PRR33: variants seen among roughly 807,000 people sequenced by gnomAD.
PRR33 encodes the protein proline rich 33.
A neutral mutation model predicts 0.5 loss-of-function variants in PRR33; 1 was observed. That is an observed-to-expected ratio of 2.18 (90% CI 0.77 to 10.34). The LOEUF (loss-of-function observed/expected upper bound fraction) is 10.34. Ranked by LOEUF, PRR33 falls within the 30% of genes most tolerant of loss-of-function variation. The pLI is 0.13. For missense variants in PRR33, 552 were observed against 251.8 expected, an observed-to-expected ratio of 2.19 and a Z score of -8.07; for synonymous variants, 226 against 110.0, an observed-to-expected ratio of 2.06 and a Z score of -6.60.
upstream of PRR33, among the ~76,000 whole-genome samples, chr11:1,894,293 G>T (rs1219541203): frequency 6.6e-6 from 1 of 151,428 alleles, no homozygotes; most frequent in Admixed American, 6.6e-5. Flanking sequence ...GAGTGCAGTG[G>T]CACAATGAGA....
At chr11:1,916,614 C>T in the PRR33 span, among the ~76,000 whole-genome samples, 2 of 152,138 alleles carry the variant, frequency 1.3e-5, no homozygotes, top group Non-Finnish European at 1.5e-5. Context: ...TGGACAGCAC[C>T]AGGGGCAGGG....
exon 1 of PRR33, chr11:1,890,417 G>A (rs773828161): frequency 2.0e-5 from 14 of 717,082 alleles, no homozygotes; most frequent in South Asian, 8.9e-5. Context: ...TGGGTGGAGC[G>A]AGGTGTGTGC....
At chr11:1,915,955 GGATA>G in the PRR33 span, among the ~76,000 whole-genome samples, 1 of 150,148 alleles carries the variant, frequency 6.7e-6, no homozygotes, top group African/African-American at 2.5e-5. Flanking sequence ...ATGGCGGGAG[GGATA>G]GATGAAATGG....
the PRR33 span, among the ~76,000 whole-genome samples, chr11:1,914,275 GTA>G: frequency 5.3e-5 from 8 of 150,884 alleles, no homozygotes; most frequent in Admixed American, 1.3e-4. Flanking sequence ...ATGATGTTCT[GTA>G]TGTGTGTGTG....
At chr11:1,905,868 G>C in the PRR33 span, among the ~76,000 whole-genome samples, 1 of 151,836 alleles carries the variant, frequency 6.6e-6, no homozygotes. Context: ...ATCCAGGCTC[G>C]AGTGTATTGG....
At chr11:1,894,483 T>C (rs1043970728), upstream of PRR33, among the ~76,000 whole-genome samples, 1 of 152,160 alleles carries the variant, frequency 6.6e-6, no homozygotes, top group Non-Finnish European at 1.5e-5. Flanking sequence ...CGACCCCCCC[T>C]GCCTCCACCT....
the PRR33 span, among the ~76,000 whole-genome samples, chr11:1,913,587 TGA>T: frequency 6.6e-6 from 1 of 152,224 alleles, no homozygotes; most frequent in Non-Finnish European, 1.5e-5. Flanking sequence ...CTCTGATCCC[TGA>T]GCTATTCAGG....
At chr11:1,904,444 G>A in the PRR33 span, among the ~76,000 whole-genome samples, 1 of 151,980 alleles carries the variant, frequency 6.6e-6, no homozygotes. Context: ...CAGGAGAATT[G>A]CTTGAACCTG....
rs749845446 is a variant in PRR33, at chr11:1,891,031, C to T, written c.-447G>A. ...CCAGGGCTGGAAGAGCGGCTGCCCC[C>T]AGACACGTGAGGGGCGCCCTGTTGT... is the stretch of plus-strand genomic sequence containing the variant. On this transcript the variant is annotated 5_prime_UTR_variant, in exon 1 of 1. It introduces an in-frame stop codon into an upstream open reading frame of the 5' UTR. Coordinates refer to ENST00000640310, the Ensembl canonical transcript of PRR33. The T allele has an allele frequency of 3.1e-4, 50 of 163,684 alleles. No homozygotes were observed. Among genetic ancestry groups the T allele is most frequent in the Non-Finnish European group, 5.8e-4 (43 of 74,536 alleles). The allele number at this position is 163,684 out of a possible 1,614,324, so 10.1% of individuals were successfully genotyped here. A position where few individuals can be genotyped will look rare whatever the true frequency, so the allele number is the denominator to read the frequency against.
At chr11:1,902,884 C>T in the PRR33 span, among the ~76,000 whole-genome samples, 8 of 152,256 alleles carry the variant, frequency 5.3e-5, no homozygotes, top group East Asian at 1.3e-3. Flanking sequence ...TCATGCCCCC[C>T]ACCCCTGCTT....
At chr11:1,899,678 A>G in the PRR33 span, among the ~76,000 whole-genome samples, 2 of 152,190 alleles carry the variant, frequency 1.3e-5, no homozygotes. Context: ...CTTGCTTAAT[A>G]TTATTGTATC....
chr11:1,914,851 TTCTGTG>T, the PRR33 span, among the ~76,000 whole-genome samples: 20 of 66,612 alleles, frequency 3.0e-4, no homozygotes, highest in African/African-American at 1.3e-3. Flanking sequence ...CTGGAGATGT[TTCTGTG>T]TGTGTGTGTG....
chr11:1,914,124 G>A, the PRR33 span, among the ~76,000 whole-genome samples: 1 of 152,262 alleles, frequency 6.6e-6, no homozygotes, highest in African/African-American at 2.4e-5. Context: ...GCCTGGTTGG[G>A]CGCAGCGTAG....
Position 1,890,117 on chromosome 11 carries a change from C to G in PRR33, c.468G>C (p.Ser156=), listed in dbSNP as rs760868187. 86 of 716,994 alleles carry G rather than the reference C, an allele frequency of 1.2e-4. No individual in the cohort carries two copies. The South Asian group carries it at 1.2e-3, about 10-fold the overall frequency. 44.4% of individuals were successfully genotyped at this position (716,994 alleles called of 1,614,324 possible). A position where few individuals can be genotyped will look rare whatever the true frequency, so the allele number is the denominator to read the frequency against. The change falls in exon 1 of 1, where the codon TCG becomes TCC. Residue 156 remains serine, a synonymous_variant. Coordinates refer to ENST00000640310, the Ensembl canonical transcript of PRR33. Reference sequence around the variant, plus strand: ...TGGGGGGCCGGGTAGGTTCTGGGGCCGAGGCTACAACCTGGGGCCCCATGG... The same window carrying G: ...TGGGGGGCCGGGTAGGTTCTGGGGCGGAGGCTACAACCTGGGGCCCCATGG...
upstream of PRR33, among the ~76,000 whole-genome samples, chr11:1,892,665 T>A (rs900559147): frequency 2.6e-5 from 4 of 152,014 alleles, no homozygotes; most frequent in African/African-American, 7.3e-5. Context: ...GATGGATGGA[T>A]GGGTAGGTGG....
chr11:1,905,541 C>A, the PRR33 span, among the ~76,000 whole-genome samples: 2 of 149,540 alleles, frequency 1.3e-5, no homozygotes, highest in African/African-American at 4.9e-5. Context: ...TGGGTTCAAA[C>A]GATCCTCGTG....
chr11:1,904,845 C>T, the PRR33 span, among the ~76,000 whole-genome samples: 7 of 151,666 alleles, frequency 4.6e-5, no homozygotes, highest in Non-Finnish European at 8.8e-5. Flanking sequence ...CCTGTACTCC[C>T]GCTGCCTCTC....
the PRR33 span, among the ~76,000 whole-genome samples, chr11:1,898,782 C>T: frequency 2.6e-5 from 4 of 152,180 alleles, no homozygotes; most frequent in South Asian, 2.1e-4. Context: ...GAGGTGGGCA[C>T]TTGAGGTCAG....
the PRR33 span, among the ~76,000 whole-genome samples, chr11:1,911,167 G>T: frequency 6.6e-6 from 1 of 152,104 alleles, no homozygotes; most frequent in Admixed American, 6.5e-5. Flanking sequence ...GCTACTAGCC[G>T]GGCGCAGTGG....
Sources: allele counts gnomAD v4.1 joint callset (sites outside exome capture counted in the v4.1 genomes callset), GRCh38; gene constraint gnomAD v4.1.1; transcripts MANE v1.5; gene names NCBI Gene and HGNC (gene_info 2026-07-23, HGNC 2026-07-21).